SNTG2: variants seen among roughly 807,000 people sequenced by gnomAD.
SNTG2 encodes the protein syntrophin gamma 2.
Under a neutral mutation model 70.9 loss-of-function variants are expected in SNTG2, and 74 were observed. The observed-to-expected ratio is 1.04, with a 90% confidence interval of 0.86 to 1.27. The LOEUF (loss-of-function observed/expected upper bound fraction) is 1.27, where lower values mean the gene tolerates loss of function less well. SNTG2 is among the 50% of genes most tolerant of loss of function. The pLI, the probability that SNTG2 is intolerant of heterozygous loss-of-function variation, is 0.00. For missense variants in SNTG2, 717 were observed against 690.7 expected, an observed-to-expected ratio of 1.04 and a Z score of -0.43; for synonymous variants, 278 against 273.8, an observed-to-expected ratio of 1.02 and a Z score of -0.15.
intron 16 of SNTG2, among the ~76,000 whole-genome samples, chr2:1,322,105 C>A (rs902616685): frequency 6.6e-6 from 1 of 152,206 alleles, no homozygotes; most frequent in African/African-American, 2.4e-5. Flanking sequence ...CTCTCAATAG[C>A]TGCATCCAGA....
chr2:1,126,665 A>G (rs1667715349), intron 4 of SNTG2, among the ~76,000 whole-genome samples: 1 of 152,176 alleles, frequency 6.6e-6, no homozygotes, highest in Non-Finnish European at 1.5e-5. Context: ...AGTAATAACC[A>G]TTCTAACCGG....
chr2:1,238,115 C>T (rs1014909135), intron 10 of SNTG2, 98 bp downstream of exon 10: 1 of 1,413,312 alleles, frequency 7.1e-7, no homozygotes, highest in Non-Finnish European at 9.5e-7. Flanking sequence ...TAACCCGAAA[C>T]AGAAAATCAT....
intron 1 of SNTG2, among the ~76,000 whole-genome samples, chr2:1,082,978 C>G (rs1664433147): frequency 6.6e-6 from 1 of 152,166 alleles, no homozygotes; most frequent in Non-Finnish European, 1.5e-5. Context: ...CTGGCCTGTT[C>G]CCCAGCTCCC....
chr2:1,022,928 G>T (rs1463846786), intron 1 of SNTG2, among the ~76,000 whole-genome samples: 2 of 152,132 alleles, frequency 1.3e-5, no homozygotes, highest in African/African-American at 4.8e-5. Flanking sequence ...TTTACTTTAA[G>T]AAACAAGAGA....
At chr2:988,244 G>A (rs890672379) in intron 1 of SNTG2, among the ~76,000 whole-genome samples, 1 of 152,206 alleles carries the variant, frequency 6.6e-6, no homozygotes, top group East Asian at 1.9e-4. Context: ...GCCGCCCAAG[G>A]CCCATGCTCA....
intron 14 of SNTG2, among the ~76,000 whole-genome samples, chr2:1,291,036 A>G (rs901829336): frequency 6.6e-6 from 1 of 152,120 alleles, no homozygotes; most frequent in Non-Finnish European, 1.5e-5. Context: ...TTTGTATTTT[A>G]TAGTAGCCAT....
At chr2:973,684 A>G (rs1245193803) in intron 1 of SNTG2, among the ~76,000 whole-genome samples, 3 of 151,288 alleles carry the variant, frequency 2.0e-5, no homozygotes, top group East Asian at 1.9e-4. Context: ...ATTTTCCCAC[A>G]GCTCTGATAT....
At chr2:1,168,662 A>G (rs1352212434) in intron 7 of SNTG2, among the ~76,000 whole-genome samples, 1 of 152,230 alleles carries the variant, frequency 6.6e-6, no homozygotes, top group Non-Finnish European at 1.5e-5. Context: ...CAGCAGGATA[A>G]CTATGCTATT....
At chr2:993,364 A>G (rs570309873) in intron 1 of SNTG2, among the ~76,000 whole-genome samples, 3 of 151,950 alleles carry the variant, frequency 2.0e-5, no homozygotes, top group Admixed American at 6.6e-5. Context: ...TCTTGTTACT[A>G]CCAGATACAT....
At chr2:955,767 G>A (rs1405410903) in intron 1 of SNTG2, among the ~76,000 whole-genome samples, 1 of 152,216 alleles carries the variant, frequency 6.6e-6, no homozygotes, top group Non-Finnish European at 1.5e-5. Context: ...GGATACAGCT[G>A]CCAGTTGTTC....
Position 1,005,809 on chromosome 2 carries a change from ATATATATATATATATATATATATATAT to A in SNTG2, c.72+54742_72+54768del, listed in dbSNP as rs1558306052. Among the ~76,000 whole-genome samples, 4 of 1,510 alleles carry A rather than the reference ATATATATATATATATATATATATATAT, an allele frequency of 2.6e-3. No individual in the cohort carries two copies. In the East Asian group the frequency reaches 0.29, roughly 108 times the overall value. The allele number at this position is 1,510 out of a possible 152,430, so 1.0% of individuals were successfully genotyped here. A position where few individuals can be genotyped will look rare whatever the true frequency, so the allele number is the denominator to read the frequency against. On this transcript the variant is annotated intron_variant, in intron 1 of 16. Coordinates refer to ENST00000308624, the MANE Select transcript of SNTG2 (RefSeq NM_018968.4). ...ACAGAGCAAGACTCTGCCTCAAAAT[ATATATATATATATATATATATATATAT>A]ATATATATATATATATATATATATA...
chr2:1,012,506 T>C (rs547778104), intron 1 of SNTG2, among the ~76,000 whole-genome samples: 1 of 151,970 alleles, frequency 6.6e-6, no homozygotes, highest in Non-Finnish European at 1.5e-5. Context: ...GAGAGGGATT[T>C]ATTCATAAAG....
chr2:1,173,070 G>A (rs4597564), intron 7 of SNTG2, 22 bp from the exon 8 acceptor site: 504,910 of 1,608,158 alleles, frequency 0.31, 84,343 homozygotes, highest in East Asian at 0.65. Flanking sequence ...AATTGGAAGG[G>A]ACTTCTCTTG....
chr2:1,191,227 G>A (rs1313142875), intron 8 of SNTG2, among the ~76,000 whole-genome samples: 2 of 152,164 alleles, frequency 1.3e-5, no homozygotes, highest in African/African-American at 4.8e-5. Context: ...AGATGATGTT[G>A]GGGTGCCTGT....
chr2:1,101,805 G>A lies in SNTG2; in HGVS notation c.325+3395G>A, dbSNP rs1189173979. 2.0e-5 allele frequency among the ~76,000 whole-genome samples: 3 copies of A among 152,194 alleles called. No individual in the cohort carries two copies. The East Asian group carries it at 5.8e-4, about 29-fold the overall frequency. Reference sequence around the variant, plus strand: ...TTTTAGATCCTCTTCTGGATGAGCAGGTCTGCAGTTATCCCCAGGTGATGA... The same window carrying A: ...TTTTAGATCCTCTTCTGGATGAGCAAGTCTGCAGTTATCCCCAGGTGATGA... On this transcript the variant is annotated intron_variant, in intron 4 of 16. Coordinates refer to ENST00000308624, the MANE Select transcript of SNTG2 (RefSeq NM_018968.4).
chr2:1,124,147 T>A (rs1426007841), intron 4 of SNTG2, among the ~76,000 whole-genome samples: 1 of 152,194 alleles, frequency 6.6e-6, no homozygotes, highest in Non-Finnish European at 1.5e-5. Context: ...ACATGTGAAG[T>A]ATTTGAGGTC....
chr2:1,149,823 G>T (rs1669356861), intron 6 of SNTG2, among the ~76,000 whole-genome samples: 1 of 151,680 alleles, frequency 6.6e-6, no homozygotes, highest in African/African-American at 2.4e-5. Context: ...GAGTAGCTGG[G>T]ACTACAGGCT....
At chr2:1,148,101 A>G (rs28668882) in intron 6 of SNTG2, among the ~76,000 whole-genome samples, 142,611 of 152,242 alleles carry the variant, frequency 0.94, 66,922 homozygotes, top group Non-Finnish European at 0.97. Flanking sequence ...AGCAGTACTC[A>G]CTGCTGGAAA....
At chr2:973,840 T>C (rs1023655227) in intron 1 of SNTG2, among the ~76,000 whole-genome samples, 1 of 152,222 alleles carries the variant, frequency 6.6e-6, no homozygotes, top group African/African-American at 2.4e-5. Flanking sequence ...TGATGCTCTG[T>C]ATTGCTTTCA....
Sources: allele counts gnomAD v4.1 joint callset (sites outside exome capture counted in the v4.1 genomes callset), GRCh38; gene constraint gnomAD v4.1.1; transcripts MANE v1.5; gene names NCBI Gene and HGNC (gene_info 2026-07-23, HGNC 2026-07-21).